NAALADL2: variants seen among roughly 807,000 people sequenced by gnomAD.
The protein encoded by NAALADL2 is inactive N-acetylated-alpha-linked acidic dipeptidase-like protein 2.
In NAALADL2, 76 loss-of-function variants were observed where a neutral mutation model predicts 87.2. The ratio of observed to expected loss-of-function variants is 0.87; its 90% CI spans 0.72 to 1.05. NAALADL2 has a LOEUF of 1.05. Ranked by LOEUF, NAALADL2 falls within the 50% of genes least tolerant of loss-of-function variation. The pLI is 0.00. For missense variants in NAALADL2, 1,089 were observed against 945.8 expected (o/e 1.15, Z -1.99); for synonymous variants, 354 against 331.0 (o/e 1.07, Z -0.75).
chr3:174,775,706 A>G lies in NAALADL2; in HGVS notation c.-9+37960A>G, dbSNP rs148167977. On this transcript the variant is annotated intron_variant, in intron 3 of 3. Transcript: ENST00000434257. ...AGAACAAAGGTTGTCCACTGGAGGA[A>G]TCCTCCACTGGGAGGAAATGACCAG... Among the ~76,000 whole-genome samples, 1,272 of 152,258 alleles carry G rather than the reference A, an allele frequency of 8.4e-3. 3 individuals carry two copies. Among genetic ancestry groups the G allele is most frequent in the African/African-American group, 0.018 (751 of 41,566 alleles).
intron 1 of NAALADL2, among the ~76,000 whole-genome samples, chr3:175,093,414 T>TATATATATATATA (rs1553771396): frequency 0.073 from 8,495 of 117,148 alleles, 325 homozygotes; most frequent in Non-Finnish European, 0.099. Context: ...CATTTTATTT[T>TATATATATATATA]TTTATATATA....
intron 2 of NAALADL2, among the ~76,000 whole-genome samples, chr3:175,141,544 C>G (rs1265451121): frequency 6.6e-6 from 1 of 151,872 alleles, no homozygotes; most frequent in African/African-American, 2.4e-5. Context: ...ACTGGGATAT[C>G]CAATATGAAC....
In NAALADL2 at chr3:175,536,155, C is replaced by T. The variant is rs568317966; in HGVS notation, c.1654-39886C>T. On this transcript the variant is annotated intron_variant, in intron 9 of 13. Coordinates refer to ENST00000454872, the MANE Select transcript of NAALADL2 (RefSeq NM_207015.3). ...AAAAATCAGAGGACAGCAGAGTGCC[C>T]TTGAATCGTGCTTAAAATAAATTCA... 7.9e-5 allele frequency among the ~76,000 whole-genome samples: 12 copies of T among 152,306 alleles called. 1 individual carries two copies. In the South Asian group the frequency reaches 2.5e-3, roughly 32 times the overall value.
At chr3:175,296,251 A>T (rs1425096951) in intron 4 of NAALADL2, among the ~76,000 whole-genome samples, 2 of 152,170 alleles carry the variant, frequency 1.3e-5, no homozygotes, top group Middle Eastern at 3.4e-3. Context: ...TGGCCAGGGG[A>T]GGGGATCCTA....
chr3:174,602,205 C>A (rs191907160), intron 2 of NAALADL2, among the ~76,000 whole-genome samples: 2 of 152,228 alleles, frequency 1.3e-5, no homozygotes, highest in East Asian at 1.9e-4. Context: ...CTGTAGATTA[C>A]TTTGGGTAGT....
intron 11 of NAALADL2, among the ~76,000 whole-genome samples, chr3:175,657,612 G>A (rs988630785): frequency 1.4e-5 from 2 of 146,650 alleles, no homozygotes; most frequent in Non-Finnish European, 3.0e-5. Flanking sequence ...ACGGAGTCTT[G>A]CTCTGTCCCC....
Position 175,642,020 on chromosome 3 carries a change from G to A in NAALADL2, c.1896+14634G>A, listed in dbSNP as rs148197805. Among the ~76,000 whole-genome samples, 991 of 152,146 alleles carry A rather than the reference G, an allele frequency of 6.5e-3. 2 individuals carry two copies. The highest frequency in any genetic ancestry group is 9.9e-3 in the Non-Finnish European group (673 of 67,996). On this transcript the variant is annotated intron_variant, in intron 11 of 13. Transcript: ENST00000454872. ...GAGAATGATCATAAACTGAATTGCCGTATGACCACAATCCAGGTAAAGAAA... is the reference window on the plus strand; with the variant it reads ...GAGAATGATCATAAACTGAATTGCCATATGACCACAATCCAGGTAAAGAAA...
intron 2 of NAALADL2, among the ~76,000 whole-genome samples, chr3:174,556,009 GC>G (rs1712767716): frequency 8.1e-5 from 6 of 74,318 alleles, no homozygotes; most frequent in Non-Finnish European, 2.9e-5. Context: ...GTGTGTGTGT[GC>G]GCGCACGTGA....
At chr3:175,769,199 G>A (rs555263773) in intron 13 of NAALADL2, among the ~76,000 whole-genome samples, 115 of 152,266 alleles carry the variant, frequency 7.6e-4, no homozygotes, top group Middle Eastern at 6.8e-3. Context: ...CAAGTACGCA[G>A]TGTCTACCAT....
intron 2 of NAALADL2, among the ~76,000 whole-genome samples, chr3:175,163,261 C>T (rs1413592432): frequency 6.6e-6 from 1 of 151,930 alleles, no homozygotes; most frequent in Admixed American, 6.6e-5. Context: ...GACACAAAGG[C>T]AAAGTTCAGA....
intron 5 of NAALADL2, among the ~76,000 whole-genome samples, chr3:175,367,955 C>T (rs1437422064): frequency 6.6e-5 from 10 of 152,056 alleles, no homozygotes; most frequent in Admixed American, 6.6e-4. Flanking sequence ...GGAATGCTTC[C>T]AGTTTTTGCC....
intron 1 of NAALADL2, among the ~76,000 whole-genome samples, chr3:175,090,715 G>C (rs565011155): frequency 6.6e-6 from 1 of 151,994 alleles, no homozygotes; most frequent in African/African-American, 2.4e-5. Context: ...TATCCAACTT[G>C]ATTATCCACT....
chr3:174,987,814 ATATATATATATATAATGAG>A (rs1746165122), intron 1 of NAALADL2, among the ~76,000 whole-genome samples: 1 of 136,744 alleles, frequency 7.3e-6, no homozygotes, highest in African/African-American at 3.0e-5. Flanking sequence ...ATATATAATT[ATATATATATATATAATGAG>A]ACCTTGTCTC....
intron 1 of NAALADL2, among the ~76,000 whole-genome samples, chr3:175,036,680 T>G (rs566681834): frequency 1.3e-5 from 2 of 152,274 alleles, no homozygotes; most frequent in East Asian, 3.9e-4. Flanking sequence ...ATTACAGGCA[T>G]GAACCACTGC....
At chr3:175,765,209 G>A (rs1487950158) in intron 13 of NAALADL2, among the ~76,000 whole-genome samples, 1 of 151,998 alleles carries the variant, frequency 6.6e-6, no homozygotes, top group Non-Finnish European at 1.5e-5. Context: ...GAAGGTTGAA[G>A]ACCTGGCTCA....
At chr3:175,050,459 GC>G (rs1453432344) in intron 1 of NAALADL2, among the ~76,000 whole-genome samples, 1 of 151,972 alleles carries the variant, frequency 6.6e-6, no homozygotes, top group Non-Finnish European at 1.5e-5. Flanking sequence ...ACAGGGTTTT[GC>G]CATGTTTAAA....
At chr3:175,645,888 A>G (rs906802525) in intron 11 of NAALADL2, among the ~76,000 whole-genome samples, 1 of 152,120 alleles carries the variant, frequency 6.6e-6, no homozygotes, top group South Asian at 2.1e-4. Flanking sequence ...GACTGACTCT[A>G]TTGATTTTCA....
chr3:175,199,865 T>TATA (rs1491567315), intron 2 of NAALADL2, among the ~76,000 whole-genome samples: 13 of 8,616 alleles, frequency 1.5e-3, no homozygotes, highest in African/African-American at 4.9e-3. Context: ...TATATATATA[T>TATA]TTTTTTTTTT....
intron 2 of NAALADL2, among the ~76,000 whole-genome samples, chr3:174,593,228 C>T (rs1285582317): frequency 6.6e-6 from 1 of 152,140 alleles, no homozygotes; most frequent in Non-Finnish European, 1.5e-5. Flanking sequence ...TTCTTACTAT[C>T]AGCATAAACT....
Sources: allele counts gnomAD v4.1 joint callset (sites outside exome capture counted in the v4.1 genomes callset), GRCh38; gene constraint gnomAD v4.1.1; transcripts MANE v1.5; gene names NCBI Gene and HGNC (gene_info 2026-07-23, HGNC 2026-07-21).